The following SYBU variants were observed in gnomAD, a reference collection of about 807,000 sequenced individuals.
The protein encoded by SYBU is GOLSYN A protein.
SYBU carries 21 observed loss-of-function variants against 35.9 expected under a neutral mutation model. The ratio of observed to expected loss-of-function variants is 0.58; its 90% CI spans 0.41 to 0.84. The LOEUF (loss-of-function observed/expected upper bound fraction) is 0.84, where lower values mean the gene tolerates loss of function less well. SYBU is among the 40% of genes least tolerant of loss of function. The pLI is 0.00. For synonymous variants in SYBU, 319 were observed against 324.3 expected (o/e 0.98, Z 0.18); for missense variants, 768 against 848.2 (o/e 0.91, Z 1.17).
At chr8:109,589,952 A>G (rs1824030548) in intron 3 of SYBU, among the ~76,000 whole-genome samples, 1 of 152,044 alleles carries the variant, frequency 6.6e-6, no homozygotes. Context: ...TTATCACTGC[A>G]AAGCTATCAA....
In SYBU at chr8:109,574,995, G is replaced by C. The variant is rs1390012709; in HGVS notation, c.1903C>G (p.Pro635Ala). The change falls in exon 7 of 7, where the codon CCT (proline) becomes GCT (alanine). Residue 635 changes from proline to alanine, a missense_variant. Pro to Ala is a conservative substitution (Grantham distance 27). Coordinates refer to ENST00000276646, the MANE Select transcript of SYBU (RefSeq NM_001099754.2). ...AGCAAGGCCCCGATGTTATACACAG[G>C]ATCCGTTCCCCCTCTCTGAGTACTG... Reference protein sequence around the residue: ...AFSTQRGGTDPVYNIGALLRG... With the variant: ...AFSTQRGGTDAVYNIGALLRG... 6.3e-7 allele frequency: 1 copy of C among 1,577,040 alleles called. No homozygotes were observed. The highest frequency in any genetic ancestry group is 1.8e-5 in the Admixed American group (1 of 55,372).
intron 6 of SYBU, among the ~76,000 whole-genome samples, chr8:109,577,361 C>CT (rs368126558): frequency 2.6e-3 from 368 of 143,578 alleles, no homozygotes; most frequent in African/African-American, 3.1e-3. Flanking sequence ...TAAGCATGGG[C>CT]TTTTTTTTTT....
intron 3 of SYBU, among the ~76,000 whole-genome samples, chr8:109,610,699 C>T (rs1412247329): frequency 5.9e-5 from 9 of 152,216 alleles, no homozygotes; most frequent in African/African-American, 2.2e-4. Context: ...AATAATCCTA[C>T]AGTTCACCAA....
At chr8:109,605,967 T>C (rs1218678211) in intron 3 of SYBU, among the ~76,000 whole-genome samples, 1 of 152,280 alleles carries the variant, frequency 6.6e-6, no homozygotes, top group East Asian at 1.9e-4. Context: ...TGGCTCAGAC[T>C]GTGGTATCTT....
intron 1 of SYBU, among the ~76,000 whole-genome samples, chr8:109,664,384 AAAC>A (rs1220529647): frequency 6.6e-6 from 1 of 152,204 alleles, no homozygotes; most frequent in African/African-American, 2.4e-5. Context: ...AATGGAACAA[AAAC>A]AACAAGAAAA....
intron 3 of SYBU, among the ~76,000 whole-genome samples, chr8:109,595,826 T>C (rs933321299): frequency 6.6e-6 from 1 of 152,202 alleles, no homozygotes; most frequent in African/African-American, 2.4e-5. Flanking sequence ...AAACCTTCCT[T>C]AGACACAGGT....
intron 2 of SYBU, among the ~76,000 whole-genome samples, chr8:109,621,261 A>G (rs927654217): frequency 2.6e-5 from 4 of 152,222 alleles, no homozygotes; most frequent in African/African-American, 9.6e-5. Flanking sequence ...CCATGTTTTC[A>G]GTGCTAGTCC....
intron 1 of SYBU, among the ~76,000 whole-genome samples, chr8:109,661,170 A>G (rs1479454474): frequency 6.6e-6 from 1 of 152,244 alleles, no homozygotes; most frequent in African/African-American, 2.4e-5. Context: ...ACACTTGCCC[A>G]CTCAGCAAAT....
intron 2 of SYBU, among the ~76,000 whole-genome samples, chr8:109,624,606 A>G (rs1014089185): frequency 1.3e-5 from 2 of 152,226 alleles, no homozygotes; most frequent in East Asian, 1.9e-4. Context: ...CCCATCGCCA[A>G]CAGTGGGAAA....
At chr8:109,635,040 T>C (rs972083037) in intron 2 of SYBU, among the ~76,000 whole-genome samples, 31 of 152,218 alleles carry the variant, frequency 2.0e-4, no homozygotes, top group Non-Finnish European at 3.8e-4. Flanking sequence ...TTTGTTTTTA[T>C]TCTATTATCT....
At chr8:109,683,894 A>C (rs1260872322), upstream of SYBU, among the ~76,000 whole-genome samples, 1 of 151,950 alleles carries the variant, frequency 6.6e-6, no homozygotes, top group East Asian at 1.9e-4. Context: ...TTTTCTTTGC[A>C]CTTCTCCTTA....
chr8:109,647,023 A>G (rs1815767852), upstream of SYBU: 6 of 152,028 alleles, frequency 3.9e-5, no homozygotes, highest in South Asian at 1.2e-3. Context: ...CAGTGTCTCC[A>G]TTTTTCCACA....
intron 3 of SYBU, among the ~76,000 whole-genome samples, chr8:109,612,396 C>G (rs556140757): frequency 1.3e-5 from 2 of 152,284 alleles, no homozygotes; most frequent in Admixed American, 1.3e-4. Flanking sequence ...ATTTGAGGCT[C>G]GGGTTTGCTG....
upstream of SYBU, among the ~76,000 whole-genome samples, chr8:109,685,506 A>G (rs776341596): frequency 7.9e-5 from 12 of 152,216 alleles, no homozygotes; most frequent in Non-Finnish European, 1.6e-4. Flanking sequence ...ATAAAGCTAT[A>G]AAAAATCAAA....
chr8:109,607,411 C>T (rs74672794), intron 3 of SYBU, among the ~76,000 whole-genome samples: 1,592 of 152,244 alleles, frequency 0.01, 18 homozygotes, highest in Non-Finnish European at 0.016. Flanking sequence ...CCTAATCACA[C>T]GAACAGGCTC....
At chr8:109,682,202 A>G (rs910803635), upstream of SYBU, among the ~76,000 whole-genome samples, 4 of 152,216 alleles carry the variant, frequency 2.6e-5, no homozygotes, top group Admixed American at 6.5e-5. Flanking sequence ...AATTGGTAGC[A>G]GGCAGAGGTT....
Position 109,619,027 on chromosome 8 carries a change from C to A in SYBU, c.242G>T (p.Cys81Phe), listed in dbSNP as rs779499343. The A allele has an allele frequency of 6.2e-7, 1 of 1,613,676 alleles. No individual in the cohort carries two copies. The highest frequency in any genetic ancestry group is 8.5e-7 in the Non-Finnish European group (1 of 1,179,682). ...AGGAGACACTGACTGGCTGCTAGGA[C>A]AGCCTGTGTCATCTAGAAGACAGGA... Reference protein sequence around the residue: ...SNSFCSDDTGCPSSQSVSPVK... With the variant: ...SNSFCSDDTGFPSSQSVSPVK... The change falls in exon 3 of 7, where the codon TGT (cysteine) becomes TTT (phenylalanine). Residue 81 changes from cysteine (C) to phenylalanine (F), a missense_variant. Cys to Phe is a radical substitution (Grantham distance 205). Coordinates refer to ENST00000276646, the MANE Select transcript of SYBU (RefSeq NM_001099754.2).
chr8:109,648,243 A>AATAATATATATATACAATAATATATATAT (rs1304003246), upstream of SYBU, among the ~76,000 whole-genome samples: 10 of 142,706 alleles, frequency 7.0e-5, no homozygotes, highest in East Asian at 1.9e-4. Context: ...AATAATATAT[A>AATAATATATATATACAATAATATATATAT]ATAATATATA....
intron 1 of SYBU, among the ~76,000 whole-genome samples, chr8:109,655,089 C>A (rs1388922594): frequency 6.6e-6 from 1 of 152,216 alleles, no homozygotes; most frequent in Non-Finnish European, 1.5e-5. Flanking sequence ...AGATAAACTT[C>A]ATCCACTAAT....
Sources: gnomAD v4.1 joint callset for allele counts (sites outside exome capture counted in the v4.1 genomes callset) on GRCh38, gnomAD v4.1.1 for gene constraint, MANE v1.5 for transcripts, NCBI Gene and HGNC (gene_info 2026-07-23, HGNC 2026-07-21) for gene names.